CD99: variants seen among roughly 807,000 people sequenced by gnomAD.
CD99 encodes CD99 antigen.
Under a neutral mutation model 28.4 loss-of-function variants are expected in CD99, and 19 were observed. The observed-to-expected ratio is 0.67, with a 90% CI of 0.47 to 0.98. The LOEUF is 0.98. Among genes scored for constraint, CD99 ranks in the 50% least tolerant of loss-of-function variants. The pLI, the probability that CD99 is intolerant of heterozygous loss-of-function variation, is 0.00. For synonymous variants in CD99, 103 were observed against 92.1 expected (o/e 1.12, Z -0.67); for missense variants, 283 against 248.8 (o/e 1.14, Z -0.92).
intron 8 of CD99, among the ~76,000 whole-genome samples, chrX:2,735,779 C>G (rs2049899493): frequency 6.6e-6 from 1 of 152,106 alleles, no homozygotes; most frequent in South Asian, 2.1e-4. Flanking sequence ...AGGGGGTTTT[C>G]CTCTCTTTTT....
At chrX:2,714,736 GA>G in intron 2 of CD99, 10 of 331,398 alleles carry the variant, frequency 3.0e-5, no homozygotes, top group South Asian at 1.0e-4. Context: ...CGTGCTGTTG[GA>G]AAAAATGATG....
At chrX:2,730,173 AC>A (rs1180258088) in intron 8 of CD99, among the ~76,000 whole-genome samples, 1 of 80,824 alleles carries the variant, frequency 1.2e-5, no homozygotes, top group African/African-American at 6.2e-5. Context: ...AAATAAAAAT[AC>A]CTTTTTTTTT....
chrX:2,736,143 A>C (rs982822902), intron 8 of CD99, among the ~76,000 whole-genome samples: 2 of 150,956 alleles, frequency 1.3e-5, no homozygotes, highest in African/African-American at 4.9e-5. Context: ...CGGAGGTTGC[A>C]GTGAGCCGAG....
At chrX:2,740,650 G>C (rs929820690) in intron 9 of CD99, 129 bp from the exon 10 acceptor site, 1 of 754,232 alleles carries the variant, frequency 1.3e-6, no homozygotes, top group South Asian at 2.1e-5. Flanking sequence ...TTGCTTTCTC[G>C]TGATGAGTTT....
intron 1 of CD99, among the ~76,000 whole-genome samples, chrX:2,703,743 C>G (rs1323862263): frequency 6.6e-6 from 1 of 151,826 alleles, no homozygotes; most frequent in African/African-American, 2.4e-5. Context: ...TAGTCCAAAA[C>G]TGCAGGGCAG....
chrX:2,700,237 G>A (rs1325726356), intron 1 of CD99, among the ~76,000 whole-genome samples: 1 of 152,154 alleles, frequency 6.6e-6, no homozygotes, highest in East Asian at 1.9e-4. Flanking sequence ...TCAGTGATGG[G>A]CATTTTGATA....
At chrX:2,707,344 G>GAA (rs1556308035) in intron 1 of CD99, among the ~76,000 whole-genome samples, 4 of 149,572 alleles carry the variant, frequency 2.7e-5, no homozygotes, top group Non-Finnish European at 5.9e-5. Flanking sequence ...GAAAAGAAAA[G>GAA]AAAAGAAAAA....
At chrX:2,710,922 G>A (rs1297673436) in intron 1 of CD99, among the ~76,000 whole-genome samples, 1 of 140,150 alleles carries the variant, frequency 7.1e-6, no homozygotes, top group African/African-American at 2.7e-5. Flanking sequence ...CCAGGCTGGA[G>A]TGCAGTGGCA....
intron 8 of CD99, among the ~76,000 whole-genome samples, chrX:2,726,711 AG>A (rs1387286591): frequency 6.6e-6 from 1 of 152,336 alleles, no homozygotes; most frequent in Non-Finnish European, 1.5e-5. Flanking sequence ...GTTACCCTGC[AG>A]AGAGCAAAGG....
intron 1 of CD99, among the ~76,000 whole-genome samples, chrX:2,703,213 T>G (rs1178303909): frequency 6.6e-6 from 1 of 152,218 alleles, no homozygotes; most frequent in East Asian, 1.9e-4. Flanking sequence ...TCCCGTGTTT[T>G]GTGTTTTCGT....
At chrX:2,731,574 G>A (rs899273006) in intron 8 of CD99, among the ~76,000 whole-genome samples, 3 of 152,210 alleles carry the variant, frequency 2.0e-5, no homozygotes, top group Admixed American at 6.5e-5. Flanking sequence ...GGGGACAAGA[G>A]CGAGACTTTG....
At position 2,738,202 on chromosome X, in the gene CD99, G is replaced by A. The variant is rs766226179; in HGVS notation, c.478G>A (p.Glu160Lys). The A allele has an allele frequency of 6.2e-7, 1 of 1,613,848 alleles. No individual in the cohort carries two copies. The highest frequency in any genetic ancestry group is 2.2e-5 in the East Asian group (1 of 44,876). Residue 160 changes from glutamate to lysine, a missense_variant and splice_region_variant, in exon 9 of 10, where the codon GAA (glutamate) becomes AAA (lysine). Coordinates refer to ENST00000381192, the MANE Select transcript of CD99 (RefSeq NM_002414.5). ...KKKLCFKENA[E>K]QGEVDMESHR... is the part of the protein sequence containing the mutation. The stretch of plus-strand genomic sequence containing the variant: ...GTGTATTTTCTTCTTCTTTTCAGCA[G>A]AACAAGGGGAGGTGGACATGGAGAG...
chrX:2,739,598 C>T (rs143650939), intron 9 of CD99, among the ~76,000 whole-genome samples: 1 of 151,850 alleles, frequency 6.6e-6, no homozygotes, highest in Non-Finnish European at 1.5e-5. Flanking sequence ...CACAGGCACC[C>T]GCCATCATGC....
rs866035379 is a variant in CD99, at chrX:2,717,500, T to G, written c.101-105T>G. The G allele has an allele frequency of 1.9e-4, 173 of 928,824 alleles. No homozygotes were observed. In the Middle Eastern group the frequency reaches 4.7e-3, roughly 25 times the overall value. 57.5% of individuals were successfully genotyped at this position (928,824 alleles called of 1,614,324 possible). A position where few individuals can be genotyped will look rare whatever the true frequency, so the allele number is the denominator to read the frequency against. ...GTGAGAAAAAACAATGCTAAAAACA[T>G]TCTCCGACTGTTTCCAAGAAAATGA... On this transcript the variant is annotated intron_variant, in intron 2 of 9. Coordinates refer to ENST00000381192, the MANE Select transcript of CD99 (RefSeq NM_002414.5).
chrX:2,712,826 T>C (rs2048483428), intron 1 of CD99, among the ~76,000 whole-genome samples: 1 of 152,006 alleles, frequency 6.6e-6, no homozygotes, highest in Admixed American at 6.6e-5. Context: ...TACCTGTATG[T>C]ACATACTCAA....
At chrX:2,736,497 C>A (rs2049947210) in intron 8 of CD99, among the ~76,000 whole-genome samples, 1 of 152,106 alleles carries the variant, frequency 6.6e-6, no homozygotes, top group Non-Finnish European at 1.5e-5. Context: ...AGAAGCGACA[C>A]CGACAACATT....
intron 8 of CD99, among the ~76,000 whole-genome samples, chrX:2,736,120 T>G (rs1235616584): frequency 6.7e-6 from 1 of 149,720 alleles, no homozygotes. Flanking sequence ...GAGAATGGCG[T>G]GAACCCTGGA....
chrX:2,713,329 A>T (rs1002671219), intron 1 of CD99, among the ~76,000 whole-genome samples: 1 of 151,840 alleles, frequency 6.6e-6, no homozygotes, highest in Non-Finnish European at 1.5e-5. Flanking sequence ...CACTACACAC[A>T]CAGAAACCCA....
Position 2,719,672 on chromosome X carries a change from G to C in CD99, c.160G>C (p.Asp54His). The change falls in exon 4 of 10, where the codon GAC becomes CAC. Residue 54 changes from aspartate (D) to histidine (H), a missense_variant. Asp to His is a moderately conservative substitution (Grantham distance 81). Coordinates refer to ENST00000381192, the MANE Select transcript of CD99 (RefSeq NM_002414.5). ...TTCCCCTCTTTTAGGGGATGACTTTGACTTAGGAGATGCTGTTGTTGATGG... is the reference window on the plus strand; with the variant it reads ...TTCCCCTCTTTTAGGGGATGACTTTCACTTAGGAGATGCTGTTGTTGATGG... ...PKKPSAGDDF[D>H]LGDAVVDGEN... 1 of 1,613,862 alleles carries C rather than the reference G, an allele frequency of 6.2e-7. No homozygotes were observed. The highest frequency in any genetic ancestry group is 8.5e-7 in the Non-Finnish European group (1 of 1,179,824).
Sources: allele counts gnomAD v4.1 joint callset (sites outside exome capture counted in the v4.1 genomes callset), GRCh38; gene constraint gnomAD v4.1.1; transcripts MANE v1.5; gene names NCBI Gene and HGNC (gene_info 2026-07-23, HGNC 2026-07-21).